The following SPINK5 variants were observed in gnomAD, a reference collection of about 807,000 sequenced individuals.
SPINK5 encodes the protein serine protease inhibitor Kazal-type 5.
A neutral mutation model predicts 151.8 loss-of-function variants in SPINK5; 125 were observed. That is an observed-to-expected ratio of 0.82 (90% confidence interval 0.71 to 0.96). The LOEUF is 0.96. SPINK5 is among the 40% of genes least tolerant of loss of function. The probability of loss-of-function intolerance (pLI) is 0.00; values close to 1 mark genes in which losing one functional copy is unlikely to be tolerated. For synonymous variants in SPINK5, 374 were observed against 395.3 expected (o/e 0.95, Z 0.64); for missense variants, 1,194 against 1,291.9 (o/e 0.92, Z 1.16).
intron 4 of SPINK5, among the ~76,000 whole-genome samples, chr5:148,080,153 TA>T (rs970839075): frequency 4.0e-5 from 6 of 151,248 alleles, no homozygotes; most frequent in African/African-American, 1.4e-4. Flanking sequence ...CACGATAGCA[TA>T]AAAAATGTGG....
In SPINK5 at chr5:148,067,150, A is replaced by G. The variant is rs773686424; in HGVS notation, c.81+1778A>G. On this transcript the variant is annotated intron_variant, in intron 2 of 32. Coordinates refer to ENST00000256084, the MANE Select transcript of SPINK5 (RefSeq NM_006846.4). ...TTAAATTTGTCATCACCTAAGAGTC[A>G]TTCTTCAGGCAAAAGCAAGCTGGTC... Among the ~76,000 whole-genome samples, 4 of 152,196 alleles carry G rather than the reference A, an allele frequency of 2.6e-5. 1 individual carries two copies. The highest frequency in any genetic ancestry group is 4.8e-5 in the African/African-American group (2 of 41,444).
intron 18 of SPINK5, among the ~76,000 whole-genome samples, chr5:148,110,287 A>C (rs1181518067): frequency 6.6e-6 from 1 of 152,092 alleles, no homozygotes; most frequent in Non-Finnish European, 1.5e-5. Context: ...TATTGGTCTA[A>C]TCTCATTGTC....
chr5:148,093,931 A>G (rs1753383761), intron 8 of SPINK5, among the ~76,000 whole-genome samples: 1 of 151,982 alleles, frequency 6.6e-6, no homozygotes. Flanking sequence ...GCCAACTTCT[A>G]GACCTGATGT....
chr5:148,110,735 G>A (rs1176730238), intron 18 of SPINK5, among the ~76,000 whole-genome samples: 1 of 151,912 alleles, frequency 6.6e-6, no homozygotes, highest in Admixed American at 6.6e-5. Context: ...GCCTGTTTGG[G>A]GACTGGGGGA....
intron 2 of SPINK5, 122 bp downstream of exon 2, chr5:148,065,494 T>G: frequency 9.3e-7 from 1 of 1,074,512 alleles, no homozygotes; most frequent in South Asian, 1.4e-5. Flanking sequence ...TAATAGCTTT[T>G]GTTAAAAACA....
intron 30 of SPINK5, among the ~76,000 whole-genome samples, chr5:148,129,619 C>G (rs955843665): frequency 6.6e-6 from 1 of 152,088 alleles, no homozygotes; most frequent in African/African-American, 2.4e-5. Flanking sequence ...TAACCTTTGC[C>G]AGGGTTTCAT....
intron 30 of SPINK5, among the ~76,000 whole-genome samples, chr5:148,130,031 G>T (rs987247977): frequency 6.6e-6 from 1 of 151,876 alleles, no homozygotes; most frequent in African/African-American, 2.4e-5. Flanking sequence ...TTTTCAAGCA[G>T]CTAACTTTTG....
intron 32 of SPINK5, among the ~76,000 whole-genome samples, chr5:148,134,344 A>G (rs189327495): frequency 1.3e-3 from 195 of 152,282 alleles, no homozygotes; most frequent in Middle Eastern, 3.4e-3. Context: ...TCCTGAAAGG[A>G]TGTTTCAACG....
chr5:148,102,815 G>A (rs1225577933), intron 15 of SPINK5, among the ~76,000 whole-genome samples: 3 of 152,052 alleles, frequency 2.0e-5, no homozygotes, highest in Non-Finnish European at 4.4e-5. Context: ...AAAGATTTGG[G>A]CTCATGATGA....
At chr5:148,123,723 TTC>T (rs1303398833) in intron 26 of SPINK5, 108 bp from the exon 27 acceptor site, 2 of 1,480,078 alleles carry the variant, frequency 1.4e-6, no homozygotes, top group East Asian at 2.4e-5. Flanking sequence ...GAAATTTCAC[TTC>T]TCTGTTTTTT....
chr5:148,078,529 T>C (rs1041254769), intron 4 of SPINK5, among the ~76,000 whole-genome samples: 15 of 150,976 alleles, frequency 9.9e-5, no homozygotes, highest in Admixed American at 7.9e-4. Context: ...GGATACACTA[T>C]ATACTAAGGT....
chr5:148,076,719 A>G (rs1329261212), intron 4 of SPINK5, among the ~76,000 whole-genome samples: 4 of 151,740 alleles, frequency 2.6e-5, no homozygotes, highest in African/African-American at 7.2e-5. Flanking sequence ...ACAAGAAAGT[A>G]TAATAACAAT....
chr5:148,133,645 T>A, intron 31 of SPINK5, 152 bp from the exon 32 acceptor site: 1 of 726,794 alleles, frequency 1.4e-6, no homozygotes, highest in Non-Finnish European at 2.4e-6. Flanking sequence ...TGATACCTAC[T>A]GAAAATGAAA....
chr5:148,096,674 C>G (rs150517002), intron 10 of SPINK5, among the ~76,000 whole-genome samples: 181 of 151,852 alleles, frequency 1.2e-3, no homozygotes, highest in African/African-American at 4.1e-3. Context: ...GTAAGCCACT[C>G]CATCAGGCCA....
chr5:148,088,903 A>C, intron 6 of SPINK5: 2 of 461,254 alleles, frequency 4.3e-6, no homozygotes, highest in Admixed American at 6.2e-5. Context: ...ACAACACTTC[A>C]GTCACTTAGC....
In SPINK5 at chr5:148,100,530, G is replaced by T. The variant is rs549302486; in HGVS notation, c.1169G>T (p.Gly390Val). ...ACTRENDPIQ[G>V]PDGKVHGNTC... ...ACCAGAGAGAACGATCCTATCCAGG[G>T]CCCAGATGGGAAAGTGCATGGCAAC... The change falls in exon 13 of 33, where the codon GGC becomes GTC. Residue 390 changes from glycine to valine, a missense_variant. Gly to Val is a moderately radical substitution (Grantham distance 109). Transcript: ENST00000256084. 29 of 1,613,252 alleles carry T rather than the reference G, an allele frequency of 1.8e-5. No homozygotes were observed. The South Asian group carries it at 3.1e-4, about 17-fold the overall frequency.
At position 148,101,816 on chromosome 5, in the gene SPINK5, C is replaced by A; in HGVS notation, c.1338C>A (p.Asn446Lys). 6.2e-7 allele frequency: 1 copy of A among 1,613,736 alleles called. No individual in the cohort carries two copies. Among genetic ancestry groups the A allele is most frequent in the Non-Finnish European group, 8.5e-7 (1 of 1,179,752 alleles). The change falls in exon 15 of 33, where the codon AAC becomes AAA. Residue 446 changes from asparagine (N) to lysine (K), a missense_variant. Physicochemically the swap from Asn to Lys is moderately conservative, Grantham distance 94. Coordinates refer to ENST00000256084, the MANE Select transcript of SPINK5 (RefSeq NM_006846.4). ...GTGAATACCGCAAATCCAGGAAAAA[C>A]GGACGGCTTTTTTGCACCAGAGAGA... is the stretch of plus-strand genomic sequence containing the variant. ...LCSEYRKSRK[N>K]GRLFCTREND... is the part of the protein sequence containing the mutation.
chr5:148,064,692 G>A (rs767509475), intron 1 of SPINK5, among the ~76,000 whole-genome samples: 4 of 152,024 alleles, frequency 2.6e-5, no homozygotes, highest in South Asian at 2.1e-4. Context: ...CTAGACTTAC[G>A]TTGCTCTGAA....
At chr5:148,120,436 T>C (rs978413972) in intron 26 of SPINK5, 45 bp downstream of exon 26, 19 of 1,553,508 alleles carry the variant, frequency 1.2e-5, no homozygotes, top group Middle Eastern at 1.7e-4. Context: ...AGTTAGTTCA[T>C]TGTATGGTAT....
Sources: gnomAD v4.1 joint callset for allele counts (sites outside exome capture counted in the v4.1 genomes callset) on GRCh38, gnomAD v4.1.1 for gene constraint, MANE v1.5 for transcripts, NCBI Gene and HGNC (gene_info 2026-07-23, HGNC 2026-07-21) for gene names.